The following DENND5A variants were observed in gnomAD, a reference collection of about 807,000 sequenced individuals.
DENND5A encodes the protein DENN domain containing 5A, also known as DENN domain-containing protein 5A.
DENND5A carries 64 observed loss-of-function variants against 140.3 expected under a neutral mutation model. The observed-to-expected ratio is 0.46, with a 90% confidence interval of 0.37 to 0.56. The LOEUF (loss-of-function observed/expected upper bound fraction) is 0.56, where lower values mean the gene tolerates loss of function less well. DENND5A is among the 20% of genes least tolerant of loss of function. The pLI, the probability that DENND5A is intolerant of heterozygous loss-of-function variation, is 0.00. For synonymous variants in DENND5A, 605 were observed against 607.7 expected, an observed-to-expected ratio of 1.00 and a Z score of 0.07; for missense variants, 1,292 against 1,593.8, an observed-to-expected ratio of 0.81 and a Z score of 3.22.
chr11:9,145,892 C>T, intron 16 of DENND5A, 77 bp from the exon 17 acceptor site: 2 of 1,519,038 alleles, frequency 1.3e-6, no homozygotes, highest in South Asian at 1.2e-5. Flanking sequence ...TGACCTGCTC[C>T]AGGAAGGCTG....
intron 22 of DENND5A, chr11:9,140,223 TA>T: frequency 7.6e-7 from 1 of 1,316,354 alleles, no homozygotes; most frequent in Non-Finnish European, 9.9e-7. Context: ...GGCACTGACA[TA>T]AGAGATTTAA....
chr11:9,145,852 T>C lies in DENND5A; in HGVS notation c.2858-37A>G, dbSNP rs10732517. On this transcript the variant is annotated intron_variant, in intron 16 of 22. Coordinates refer to ENST00000328194, the MANE Select transcript of DENND5A (RefSeq NM_015213.4). ...AAGCCACAAAAGTATTGAGGAGAATTAGGAATCTTTCCCATACCAGATGGG... is the reference window on the plus strand; with the variant it reads ...AAGCCACAAAAGTATTGAGGAGAATCAGGAATCTTTCCCATACCAGATGGG... 1 allele frequency: 1,611,117 copies of C among 1,612,776 alleles called. 804,741 individuals are homozygous for C. The highest frequency in any genetic ancestry group is 1 in the East Asian group (44,870 of 44,870).
chr11:9,150,781 G>T lies in DENND5A; in HGVS notation c.2522-17C>A, dbSNP rs755904172. Reference sequence around the variant, plus strand: ...GAAGTATTCCTAGAATAAACAAGTTGGTCATGTCCAAAGAGATCTGAATAT... The same window carrying T: ...GAAGTATTCCTAGAATAAACAAGTTTGTCATGTCCAAAGAGATCTGAATAT... On this transcript the variant is annotated splice_polypyrimidine_tract_variant and intron_variant, in intron 13 of 22. Transcript: ENST00000328194. 7 of 1,574,834 alleles carry T rather than the reference G, an allele frequency of 4.4e-6. No homozygotes were observed. In the East Asian group the frequency reaches 1.1e-4, roughly 25 times the overall value.
chr11:9,233,552 A>C (rs974399813), intron 1 of DENND5A, among the ~76,000 whole-genome samples: 1 of 152,146 alleles, frequency 6.6e-6, no homozygotes, highest in African/African-American at 2.4e-5. Flanking sequence ...GATGTAGTCA[A>C]AAATATTGAG....
chr11:9,186,836 T>A (rs1848929901), intron 5 of DENND5A, among the ~76,000 whole-genome samples: 1 of 152,112 alleles, frequency 6.6e-6, no homozygotes, highest in Non-Finnish European at 1.5e-5. Context: ...ATCCCAGCAC[T>A]TTGGGAGGCT....
chr11:9,262,208 C>T (rs1852236141), intron 1 of DENND5A, among the ~76,000 whole-genome samples: 1 of 152,074 alleles, frequency 6.6e-6, no homozygotes, highest in Non-Finnish European at 1.5e-5. Context: ...TTATCTCTAA[C>T]TTGCTCCCAA....
chr11:9,170,482 G>A (rs1848333397), intron 9 of DENND5A, 145 bp downstream of exon 9: 2 of 1,123,924 alleles, frequency 1.8e-6, no homozygotes, highest in Non-Finnish European at 2.5e-6. Context: ...GTTCAAATAA[G>A]CAAACCACCT....
At chr11:9,156,220 G>A (rs981652917) in intron 12 of DENND5A, among the ~76,000 whole-genome samples, 9 of 152,116 alleles carry the variant, frequency 5.9e-5, no homozygotes, top group African/African-American at 9.7e-5. Flanking sequence ...ATCCCTAAGA[G>A]CATTAACGCC....
intron 9 of DENND5A, 198 bp from the exon 10 acceptor site, chr11:9,170,147 C>T (rs796170211): frequency 5.1e-5 from 25 of 493,366 alleles, no homozygotes; most frequent in African/African-American, 4.8e-4. Flanking sequence ...GACACCTCCT[C>T]ATGGAACATG....
chr11:9,264,371 C>T (rs1852347859), intron 1 of DENND5A, among the ~76,000 whole-genome samples: 1 of 152,266 alleles, frequency 6.6e-6, no homozygotes, highest in East Asian at 1.9e-4. Context: ...CCCCGGGATA[C>T]AAGCCCTTTC....
intron 8 of DENND5A, chr11:9,172,106 G>A (rs1227881059): frequency 6.6e-6 from 1 of 152,058 alleles, no homozygotes; most frequent in Non-Finnish European, 1.5e-5. Context: ...GGATAACTAC[G>A]CAATCCCAGA....
At chr11:9,231,295 G>C (rs567964358) in intron 1 of DENND5A, among the ~76,000 whole-genome samples, 1 of 152,282 alleles carries the variant, frequency 6.6e-6, no homozygotes, top group East Asian at 1.9e-4. Context: ...CCACGGCAGA[G>C]CCCACAGCAG....
chr11:9,162,528 TGCGCCTGGCC>T (rs1308070165), intron 11 of DENND5A, among the ~76,000 whole-genome samples: 2 of 151,992 alleles, frequency 1.3e-5, no homozygotes, highest in Non-Finnish European at 2.9e-5. Context: ...CATGAGCCAC[TGCGCCTGGCC>T]AGTATTTTAT....
At chr11:9,172,871 T>G (rs1279619548) in intron 8 of DENND5A, among the ~76,000 whole-genome samples, 2 of 152,114 alleles carry the variant, frequency 1.3e-5, no homozygotes, top group African/African-American at 4.8e-5. Flanking sequence ...GCTAGAGTGC[T>G]GTGGTGTGAT....
chr11:9,198,679 T>C (rs1849418000), intron 4 of DENND5A, among the ~76,000 whole-genome samples: 2 of 152,150 alleles, frequency 1.3e-5, no homozygotes, highest in East Asian at 1.9e-4. Flanking sequence ...GTGTGGTTTA[T>C]GCAAGAAGTG....
chr11:9,244,049 G>C (rs974692955), intron 1 of DENND5A, among the ~76,000 whole-genome samples: 2 of 152,192 alleles, frequency 1.3e-5, no homozygotes, highest in African/African-American at 4.8e-5. Flanking sequence ...TGTTAGTAAA[G>C]TTTTCAGGGA....
At chr11:9,236,456 C>T (rs1347317876) in intron 1 of DENND5A, among the ~76,000 whole-genome samples, 1 of 151,804 alleles carries the variant, frequency 6.6e-6, no homozygotes, top group Non-Finnish European at 1.5e-5. Flanking sequence ...TGCTCAAACC[C>T]AGGAGGCAGA....
chr11:9,163,621 T>C (rs972835981), intron 11 of DENND5A, among the ~76,000 whole-genome samples: 1 of 151,876 alleles, frequency 6.6e-6, no homozygotes, highest in Non-Finnish European at 1.5e-5. Flanking sequence ...CTGGTCAATA[T>C]GATGAAACCC....
intron 1 of DENND5A, among the ~76,000 whole-genome samples, chr11:9,239,756 C>T (rs540519620): frequency 1.3e-5 from 2 of 152,308 alleles, no homozygotes; most frequent in Admixed American, 6.5e-5. Context: ...GCTACCATGC[C>T]TGGCCAACGT....
Sources: gnomAD v4.1 joint callset for allele counts (sites outside exome capture counted in the v4.1 genomes callset) on GRCh38, gnomAD v4.1.1 for gene constraint, MANE v1.5 for transcripts, NCBI Gene and HGNC (gene_info 2026-07-23, HGNC 2026-07-21) for gene names.